The following CD2 variants were observed in gnomAD, a reference collection of about 807,000 sequenced individuals.
The protein encoded by CD2 is T-cell surface antigen CD2.
Under a neutral mutation model 23.2 loss-of-function variants are expected in CD2, and 18 were observed. The ratio of observed to expected loss-of-function variants is 0.77; its 90% confidence interval spans 0.54 to 1.15. The LOEUF is 1.15. Among genes scored for constraint, CD2 ranks in the 50% most tolerant of loss-of-function variants. The pLI is 0.00. For synonymous variants in CD2, 162 were observed against 151.9 expected (o/e 1.07, Z -0.49); for missense variants, 424 against 423.1 (o/e 1.00, Z -0.02).
intron 3 of CD2, among the ~76,000 whole-genome samples, chr1:116,762,640 A>G (rs921791498): frequency 6.6e-6 from 1 of 152,228 alleles, no homozygotes; most frequent in Non-Finnish European, 1.5e-5. Context: ...ACTAGGAGGA[A>G]GGAACAGATT....
At chr1:116,760,685 A>G in intron 3 of CD2, 53 bp downstream of exon 3, 18 of 1,377,858 alleles carry the variant, frequency 1.3e-5, no homozygotes, top group Non-Finnish European at 1.9e-5. Context: ...CTCAGTAGGC[A>G]GAGGCATGCT....
At position 116,758,595 on chromosome 1, in the gene CD2, G is replaced by A. The variant is rs1409316766; in HGVS notation, c.383-1807G>A. On this transcript the variant is annotated intron_variant, in intron 2 of 4. Coordinates refer to ENST00000369478, the MANE Select transcript of CD2 (RefSeq NM_001767.5). ...GTGGGGTTGAGCATGGCGCTGAAAA[G>A]AGCCTCTGATTATGGGCTCTGGAAA... 2.0e-5 allele frequency among the ~76,000 whole-genome samples: 3 copies of A among 152,136 alleles called. No homozygotes were observed. The East Asian group carries it at 5.8e-4, about 29-fold the overall frequency.
intron 3 of CD2, among the ~76,000 whole-genome samples, chr1:116,763,173 TAGAGCTTAG>T (rs1652110230): frequency 2.6e-5 from 4 of 152,296 alleles, no homozygotes; most frequent in Admixed American, 6.5e-5. Context: ...TCTTCATCAG[TAGAGCTTAG>T]AGAGTTGTGT....
intron 3 of CD2, among the ~76,000 whole-genome samples, chr1:116,761,289 C>T (rs1370924858): frequency 2.0e-5 from 3 of 152,228 alleles, no homozygotes; most frequent in Non-Finnish European, 4.4e-5. Flanking sequence ...AGTGCCCAAG[C>T]TCTCGCCTGG....
Position 116,768,521 on chromosome 1 carries a change from C to A in CD2, c.794C>A (p.Pro265His), listed in dbSNP as rs1307507697. 6.2e-7 allele frequency: 1 copy of A among 1,614,118 alleles called. No individual in the cohort carries two copies. Among genetic ancestry groups the A allele is most frequent in the East Asian group, 2.2e-5 (1 of 44,876 alleles). The change falls in exon 5 of 5, where the codon CCC (proline) becomes CAC (histidine). Residue 265 changes from proline to histidine, a missense_variant. Transcript: ENST00000369478. ...RVATEERGRK[P>H]HQIPASTPQN... ...GCTACTGAAGAAAGGGGCCGGAAGC[C>A]CCACCAAATTCCAGCTTCAACCCCT...
chr1:116,759,934 T>C (rs988369390), intron 2 of CD2, among the ~76,000 whole-genome samples: 1 of 152,128 alleles, frequency 6.6e-6, no homozygotes, highest in African/African-American at 2.4e-5. Context: ...CAGGATGGGG[T>C]TCCTGGCTGC....
chr1:116,754,829 T>A lies in CD2; in HGVS notation c.260T>A (p.Phe87Tyr), dbSNP rs764184117. 5 of 1,612,894 alleles carry A rather than the reference T, an allele frequency of 3.1e-6. No homozygotes were observed. Among genetic ancestry groups the A allele is most frequent in the Non-Finnish European group, 4.2e-6 (5 of 1,179,006 alleles). The part of the protein sequence containing the change: ...TFKEKDTYKL[F>Y]KNGTLKIKHL... ...AAGGAAAAAGATACATATAAGCTATTTAAAAATGGAACTCTGAAAATTAAG... is the reference window on the plus strand; with the variant it reads ...AAGGAAAAAGATACATATAAGCTATATAAAAATGGAACTCTGAAAATTAAG... Residue 87 changes from phenylalanine to tyrosine, a missense_variant, in exon 2 of 5, where the codon TTT becomes TAT. Transcript: ENST00000369478.
intron 2 of CD2, among the ~76,000 whole-genome samples, chr1:116,758,954 T>C (rs1651948140): frequency 1.3e-5 from 2 of 152,192 alleles, no homozygotes; most frequent in African/African-American, 4.8e-5. Context: ...GACCTTTTCT[T>C]TTTTTTCTAA....
intron 4 of CD2, among the ~76,000 whole-genome samples, chr1:116,765,675 G>C (rs951277345): frequency 6.6e-6 from 1 of 152,210 alleles, no homozygotes; most frequent in Admixed American, 6.5e-5. Flanking sequence ...GGGCCCTTAG[G>C]CATGCCTGGC....
intron 2 of CD2, among the ~76,000 whole-genome samples, chr1:116,755,887 G>GA (rs1651831219): frequency 6.6e-6 from 1 of 152,138 alleles, no homozygotes; most frequent in Non-Finnish European, 1.5e-5. Context: ...GACAAGAAGG[G>GA]AAAAGAAGAA....
intron 2 of CD2, 80 bp downstream of exon 2, chr1:116,755,031 C>A: frequency 1.0e-6 from 1 of 970,850 alleles, no homozygotes; most frequent in Non-Finnish European, 1.6e-6. Flanking sequence ...TCTAATATTC[C>A]CCAGCGCTGA....
chr1:116,761,977 C>T (rs765400054), intron 3 of CD2, among the ~76,000 whole-genome samples: 1 of 151,910 alleles, frequency 6.6e-6, no homozygotes, highest in Non-Finnish European at 1.5e-5. Context: ...ATTACAGGAG[C>T]ATGCCACCAC....
chr1:116,767,902 C>T (rs1652264800), intron 4 of CD2, among the ~76,000 whole-genome samples: 1 of 152,124 alleles, frequency 6.6e-6, no homozygotes, highest in East Asian at 1.9e-4. Context: ...TCTTTCCCTC[C>T]TAAGGCCAAG....
chr1:116,761,750 A>C (rs1652061015), intron 3 of CD2, among the ~76,000 whole-genome samples: 1 of 152,082 alleles, frequency 6.6e-6, no homozygotes, highest in Non-Finnish European at 1.5e-5. Flanking sequence ...GACCAGCATC[A>C]CTTCACCCCC....
At chr1:116,761,627 G>C (rs1652056014) in intron 3 of CD2, among the ~76,000 whole-genome samples, 1 of 152,194 alleles carries the variant, frequency 6.6e-6, no homozygotes, top group Non-Finnish European at 1.5e-5. Flanking sequence ...CTGTTCATTA[G>C]AAGCAAGTTA....
At chr1:116,760,692 T>C (rs2101161522) in intron 3 of CD2, 60 bp downstream of exon 3, 2 of 1,336,330 alleles carry the variant, frequency 1.5e-6, no homozygotes, top group South Asian at 2.4e-5. Context: ...GGCAGAGGCA[T>C]GCTGCTCCAG....
chr1:116,754,447 T>C lies in CD2; in HGVS notation c.-46T>C, dbSNP rs1332659390. ...ACTCCACCAGTCTCACTTCAGTTCC[T>C]TTTGCATGAAGAGCTCAGAATCAAA... On this transcript the variant is annotated 5_prime_UTR_variant, in exon 1 of 5. Transcript: ENST00000369478. 6.4e-7 allele frequency: 1 copy of C among 1,566,050 alleles called. No individual in the cohort carries two copies. Among genetic ancestry groups the C allele is most frequent in the Admixed American group, 1.7e-5 (1 of 57,782 alleles).
intron 2 of CD2, among the ~76,000 whole-genome samples, chr1:116,756,910 G>A (rs1429985019): frequency 6.6e-6 from 1 of 151,972 alleles, no homozygotes; most frequent in Non-Finnish European, 1.5e-5. Flanking sequence ...GTGTGTACAA[G>A]TGTCCTGCAG....
At position 116,764,503 on chromosome 1, in the gene CD2, T is replaced by C; in HGVS notation, c.633T>C (p.Tyr211=). 6.2e-7 allele frequency: 1 copy of C among 1,614,098 alleles called. No homozygotes were observed. The highest frequency in any genetic ancestry group is 8.5e-7 in the Non-Finnish European group (1 of 1,179,994). The change falls in exon 4 of 5, where the codon TAT becomes TAC. Residue 211 remains tyrosine, a synonymous_variant. Transcript: ENST00000369478. The part of the protein sequence containing the change: ...VSCPEKGLDI[Y]LIIGICGGGS... ...TTGCAGAGAAAGGTCTGGACATCTA[T>C]CTCATCATTGGCATATGTGGAGGAG...
Sources: allele counts gnomAD v4.1 joint callset (sites outside exome capture counted in the v4.1 genomes callset), GRCh38; gene constraint gnomAD v4.1.1; transcripts MANE v1.5; gene names NCBI Gene and HGNC (gene_info 2026-07-23, HGNC 2026-07-21).